Variants in OTUD7A observed in about 807,000 individuals in gnomAD.
OTUD7A encodes OTU domain-containing protein 7A.
In OTUD7A, 12 loss-of-function variants were observed where a neutral mutation model predicts 65.7. The observed-to-expected ratio is 0.18, with a 90% CI of 0.12 to 0.30. The LOEUF (loss-of-function observed/expected upper bound fraction) is 0.30, where lower values mean the gene tolerates loss of function less well. Among genes scored for constraint, OTUD7A ranks in the 10% least tolerant of loss-of-function variants. The probability of loss-of-function intolerance (pLI) is 1.00; values close to 1 mark genes in which losing one functional copy is unlikely to be tolerated. For synonymous variants in OTUD7A, 641 were observed against 586.3 expected (o/e 1.09, Z -1.35); for missense variants, 1,148 against 1,304.8 (o/e 0.88, Z 1.85).
intron 5 of OTUD7A, among the ~76,000 whole-genome samples, chr15:31,546,733 A>T (rs968537354): frequency 2.0e-5 from 3 of 152,234 alleles, no homozygotes; most frequent in Non-Finnish European, 4.4e-5. Context: ...CAATAACATA[A>T]TGGAGAAGTT....
rs149981997 is a variant in OTUD7A at position 31,686,693 on chromosome 15, C to T, written c.-99-29616G>A. On this transcript the variant is annotated intron_variant, in intron 1 of 12. Coordinates refer to ENST00000307050, the MANE Select transcript of OTUD7A (RefSeq NM_001382637.1). ...GCTGGAGCCCACCAGAAGAGTCCTC[C>T]GGTCCTGGCAAACCCCAGGCTGGCT... Among the ~76,000 whole-genome samples, 724 of 152,310 alleles carry T rather than the reference C, an allele frequency of 4.8e-3. 7 individuals carry two copies. Among genetic ancestry groups the T allele is most frequent in the African/African-American group, 0.016 (650 of 41,558 alleles).
At chr15:31,625,187 G>C (rs1290706908) in intron 3 of OTUD7A, among the ~76,000 whole-genome samples, 2 of 152,192 alleles carry the variant, frequency 1.3e-5, no homozygotes, top group African/African-American at 2.4e-5. Flanking sequence ...GCCACCAGCA[G>C]CCCTGCGAGT....
chr15:31,766,447 C>T, intron 1 of OTUD7A: 1 of 1,584,320 alleles, frequency 6.3e-7, no homozygotes, highest in Non-Finnish European at 8.7e-7. Context: ...ACAGAAGAAG[C>T]TGGAAGTAAA....
At chr15:31,621,352 T>A (rs940582914) in intron 3 of OTUD7A, among the ~76,000 whole-genome samples, 4 of 152,150 alleles carry the variant, frequency 2.6e-5, no homozygotes, top group South Asian at 2.1e-4. Context: ...GATCTGTCTA[T>A]CGTTGACAGT....
intron 10 of OTUD7A, among the ~76,000 whole-genome samples, chr15:31,493,260 C>A (rs2041343032): frequency 6.6e-6 from 1 of 152,048 alleles, no homozygotes; most frequent in South Asian, 2.1e-4. Flanking sequence ...TCAAAGTAGG[C>A]TCCACAACAT....
intron 1 of OTUD7A, among the ~76,000 whole-genome samples, chr15:31,745,441 T>C (rs1161163680): frequency 6.6e-6 from 1 of 152,050 alleles, no homozygotes; most frequent in African/African-American, 2.4e-5. Context: ...AATTCAGAGG[T>C]AGAAGGCCTC....
chr15:31,618,802 G>A (rs1345310747), intron 3 of OTUD7A, among the ~76,000 whole-genome samples: 1 of 152,092 alleles, frequency 6.6e-6, no homozygotes, highest in Non-Finnish European at 1.5e-5. Context: ...TGTCAATGTT[G>A]GCTTTTGTTG....
chr15:31,629,136 C>A (rs377299444), intron 3 of OTUD7A, among the ~76,000 whole-genome samples: 21 of 151,988 alleles, frequency 1.4e-4, no homozygotes, highest in African/African-American at 4.6e-4. Context: ...TATGTTGAAT[C>A]GGAGTGGTGA....
intron 10 of OTUD7A, among the ~76,000 whole-genome samples, chr15:31,492,714 A>G (rs540604978): frequency 2.0e-5 from 3 of 152,316 alleles, no homozygotes; most frequent in African/African-American, 7.2e-5. Context: ...AAAAAGCTCA[A>G]TTTACCCAAG....
intron 4 of OTUD7A, among the ~76,000 whole-genome samples, chr15:31,566,208 A>AAAAGAAT (rs1453489881): frequency 2.0e-5 from 3 of 152,028 alleles, no homozygotes; most frequent in Non-Finnish European, 4.4e-5. Flanking sequence ...AAAAAAAAAA[A>AAAAGAAT]AAAGAATATA....
chr15:31,523,893 CCT>C (rs1288546814), intron 8 of OTUD7A, among the ~76,000 whole-genome samples: 1 of 152,188 alleles, frequency 6.6e-6, no homozygotes, highest in Non-Finnish European at 1.5e-5. Context: ...TCTGGAGCAC[CCT>C]GTTGGCGAGT....
In OTUD7A at chr15:31,610,609, A is replaced by ATTTTTT. The variant is rs1566942812; in HGVS notation, c.152-40413_152-40412insAAAAAA. Among the ~76,000 whole-genome samples the ATTTTTT allele has an allele frequency of 2.4e-3, 94 of 39,744 alleles. 1 individual carries two copies. The highest frequency in any genetic ancestry group is 3.7e-3 in the Non-Finnish European group (83 of 22,218). The allele number at this position is 39,744 out of a possible 152,430, so 26.1% of individuals were successfully genotyped here. Reference sequence around the variant, plus strand: ...AAAATGAAATTATATATATATATATATATATATATTTTTTTTTTTTTTTTT... The same window carrying ATTTTTT: ...AAAATGAAATTATATATATATATATATTTTTTTATATATATTTTTTTTTTTTTTTTT... On this transcript the variant is annotated intron_variant, in intron 3 of 12. Transcript: ENST00000307050.
intron 1 of OTUD7A, among the ~76,000 whole-genome samples, chr15:31,809,607 G>C (rs1055454723): frequency 6.6e-6 from 1 of 152,180 alleles, no homozygotes; most frequent in Non-Finnish European, 1.5e-5. Flanking sequence ...GTACTGACCA[G>C]CTTTTCTTCC....
chr15:31,839,888 C>T (rs879712705), intron 1 of OTUD7A, among the ~76,000 whole-genome samples: 1 of 152,124 alleles, frequency 6.6e-6, no homozygotes, highest in East Asian at 1.9e-4. Flanking sequence ...ATACTGTGGG[C>T]ACTCACTTAA....
chr15:31,808,136 C>CACACACACACAAAAA (rs772574742), intron 1 of OTUD7A, among the ~76,000 whole-genome samples: 34 of 119,496 alleles, frequency 2.8e-4, no homozygotes, highest in South Asian at 2.2e-3. Context: ...CACACACACA[C>CACACACACACAAAAA]AAACAAATCC....
At chr15:31,533,429 GT>G (rs1473391032) in intron 5 of OTUD7A, among the ~76,000 whole-genome samples, 5 of 151,996 alleles carry the variant, frequency 3.3e-5, no homozygotes, top group Non-Finnish European at 5.9e-5. Context: ...TAGAGATAGA[GT>G]TTTACCATGT....
chr15:31,786,215 C>A (rs1895671159), intron 1 of OTUD7A, among the ~76,000 whole-genome samples: 1 of 152,166 alleles, frequency 6.6e-6, no homozygotes, highest in Admixed American at 6.5e-5. Context: ...AAAATAAATT[C>A]CTTTCTTTAT....
Position 31,698,333 on chromosome 15 carries a change from G to C in OTUD7A, c.-99-41256C>G, listed in dbSNP as rs1477133787. Among the ~76,000 whole-genome samples the C allele has an allele frequency of 1.3e-5, 2 of 152,190 alleles. 1 individual carries two copies. The highest frequency in any genetic ancestry group is 2.9e-5 in the Non-Finnish European group (2 of 68,040). ...TGACCTGTTGATACTTCTGCAAAGA[G>C]ACCGGCAAGAGGGGTCCCAGAGAGT... On this transcript the variant is annotated intron_variant, in intron 1 of 12. Coordinates refer to ENST00000307050, the MANE Select transcript of OTUD7A (RefSeq NM_001382637.1).
intron 1 of OTUD7A, among the ~76,000 whole-genome samples, chr15:31,676,965 G>T (rs1458902018): frequency 6.6e-6 from 1 of 152,240 alleles, no homozygotes; most frequent in Non-Finnish European, 1.5e-5. Context: ...AAAGTGTGCT[G>T]GAGACCCTGC....
Sources: gnomAD v4.1 joint callset for allele counts (sites outside exome capture counted in the v4.1 genomes callset) on GRCh38, gnomAD v4.1.1 for gene constraint, MANE v1.5 for transcripts, NCBI Gene and HGNC (gene_info 2026-07-23, HGNC 2026-07-21) for gene names.